The following PLCE1 variants were observed in gnomAD, a reference collection of about 807,000 sequenced individuals.
PLCE1 encodes 1-phosphatidylinositol 4,5-bisphosphate phosphodiesterase epsilon-1.
In PLCE1, 119 loss-of-function variants were observed where a neutral mutation model predicts 242.8. The observed-to-expected ratio is 0.49, with a 90% CI of 0.42 to 0.57. The LOEUF is 0.57. PLCE1 is among the 20% of genes least tolerant of loss of function. PLCE1 has a pLI of 0.00. For synonymous variants in PLCE1, 945 were observed against 1,017.4 expected, an observed-to-expected ratio of 0.93 and a Z score of 1.35; for missense variants, 2,441 against 2,788.8, an observed-to-expected ratio of 0.88 and a Z score of 2.81.
At chr10:94,036,919 G>A (rs2061675047) in intron 2 of PLCE1, among the ~76,000 whole-genome samples, 1 of 151,934 alleles carries the variant, frequency 6.6e-6, no homozygotes. Context: ...TCCCTTCTTT[G>A]TTCCACAAGA....
intron 16 of PLCE1, 51 bp downstream of exon 16, chr10:94,266,009 T>A: frequency 1.3e-6 from 2 of 1,579,430 alleles, no homozygotes; most frequent in Non-Finnish European, 8.7e-7. Context: ...TAATTATTTA[T>A]GTAACCCCCA....
chr10:94,132,203 A>C lies in PLCE1; in HGVS notation c.1236A>C (p.Thr412=), dbSNP rs1044558722. 6.2e-7 allele frequency: 1 copy of C among 1,614,176 alleles called. No individual in the cohort carries two copies. Among genetic ancestry groups the C allele is most frequent in the Non-Finnish European group, 8.5e-7 (1 of 1,179,988 alleles). The change falls in exon 3 of 33, where the codon ACA becomes ACC. Residue 412 remains threonine (T), a synonymous_variant. Transcript: ENST00000371380. ...ACAATGCAGTGAGAAGAGAAGAAAC[A>C]GAAAATACAGTTGGATCTCTACTCC... The part of the protein sequence containing the change: ...PIYNAVRREE[T]ENTVGSLLHF...
At chr10:94,017,743 GA>G (rs1461520352) in intron 1 of PLCE1, among the ~76,000 whole-genome samples, 2 of 152,188 alleles carry the variant, frequency 1.3e-5, no homozygotes, top group Non-Finnish European at 2.9e-5. Context: ...CTTTGTGGGG[GA>G]ATCTCTATGA....
At chr10:94,179,530 T>TTTTTTTTTTTTTTTTTTTTTGA (rs10636243) in intron 4 of PLCE1, among the ~76,000 whole-genome samples, 5 of 118,826 alleles carry the variant, frequency 4.2e-5, no homozygotes, top group African/African-American at 9.7e-5. Flanking sequence ...TTTTTTTTTT[T>TTTTTTTTTTTTTTTTTTTTTGA]GACAGGGTCT....
chr10:94,045,297 A>AAT lies in PLCE1; in HGVS notation c.1206+13058_1206+13059dup, dbSNP rs201645166. Among the ~76,000 whole-genome samples the AAT allele has an allele frequency of 5.3e-5, 8 of 151,808 alleles. No homozygotes were observed. In the South Asian group the frequency reaches 6.2e-4, roughly 12 times the overall value. ...GTGCCACCACACCTGGCTAATCAAA[A>AAT]ATATATATATATATTTTTTGTAGAG... On this transcript the variant is annotated intron_variant, in intron 2 of 32. Transcript: ENST00000371380.
Position 94,245,981 on chromosome 10 carries a change from A to G in PLCE1, c.2456A>G (p.Asp819Gly). Residue 819 changes from aspartate to glycine, a missense_variant, in exon 8 of 33, where the codon GAC (aspartate) becomes GGC (glycine). Asp to Gly is a moderately conservative substitution (Grantham distance 94). Around this residue, in one of 5 missense-constraint regions of PLCE1, gnomAD observed 733 missense variants for 754.2 expected, o/e 0.97. Transcript: ENST00000371380. ...IIGDLLDSDN[D>G]IFEQSKEYDS... ...GGAGATTTGTTGGATTCAGACAATG[A>G]CATCTTTGAGCAATCCAAAGAATAC... 6.2e-7 allele frequency: 1 copy of G among 1,614,052 alleles called. No homozygotes were observed. The highest frequency in any genetic ancestry group is 8.5e-7 in the Non-Finnish European group (1 of 1,179,920).
chr10:94,208,760 C>T (rs1465866222), intron 4 of PLCE1, among the ~76,000 whole-genome samples: 1 of 152,222 alleles, frequency 6.6e-6, no homozygotes, highest in Non-Finnish European at 1.5e-5. Flanking sequence ...TGAAGAAACT[C>T]TCCCAGCTGG....
At chr10:94,238,689 A>T (rs1253073751) in intron 7 of PLCE1, among the ~76,000 whole-genome samples, 1 of 152,224 alleles carries the variant, frequency 6.6e-6, no homozygotes, top group East Asian at 1.9e-4. Flanking sequence ...AGAGGCATGG[A>T]GACCTAAGAG....
chr10:94,291,802 G>A lies in PLCE1; in HGVS notation c.5036-1706G>A, dbSNP rs1478052852. 2.6e-5 allele frequency among the ~76,000 whole-genome samples: 4 copies of A among 152,100 alleles called. No homozygotes were observed. The East Asian group carries it at 7.7e-4, about 29-fold the overall frequency. On this transcript the variant is annotated intron_variant, in intron 22 of 32. Transcript: ENST00000371380. ...CAGCTTTCTGGAAATGTTGTTATCG[G>A]TAAGTGAGCCAACGGGGTAGATGAA...
chr10:94,118,144 T>A (rs1329898764), intron 2 of PLCE1, among the ~76,000 whole-genome samples: 1 of 152,230 alleles, frequency 6.6e-6, no homozygotes, highest in East Asian at 1.9e-4. Flanking sequence ...ACAATTTTTT[T>A]AAACTTAAGT....
intron 4 of PLCE1, among the ~76,000 whole-genome samples, chr10:94,186,823 T>C (rs1187809691): frequency 6.6e-6 from 1 of 152,246 alleles, no homozygotes; most frequent in African/African-American, 2.4e-5. Context: ...GACAATTAGC[T>C]ACTTGAGGAC....
chr10:94,308,783 G>T, intron 27 of PLCE1, 84 bp downstream of exon 27: 1 of 866,526 alleles, frequency 1.2e-6, no homozygotes. Flanking sequence ...CAAAGTGGTC[G>T]GTGTGAGTTA....
At chr10:94,148,126 A>G (rs138453343) in intron 3 of PLCE1, among the ~76,000 whole-genome samples, 211 of 152,334 alleles carry the variant, frequency 1.4e-3, no homozygotes, top group African/African-American at 4.8e-3. Flanking sequence ...GTAAAATAGG[A>G]CAATGCAGAC....
chr10:94,109,489 T>A (rs1405217060), intron 2 of PLCE1, among the ~76,000 whole-genome samples: 1 of 152,190 alleles, frequency 6.6e-6, no homozygotes, highest in Non-Finnish European at 1.5e-5. Context: ...GTTCCTATAG[T>A]TCCAGCTACT....
intron 2 of PLCE1, among the ~76,000 whole-genome samples, chr10:94,127,067 A>G (rs536223593): frequency 6.6e-4 from 101 of 152,328 alleles, no homozygotes; most frequent in African/African-American, 2.4e-3. Context: ...TTACTTTCCC[A>G]TCTACAAAAT....
chr10:94,044,582 T>C (rs2061840885), intron 2 of PLCE1, among the ~76,000 whole-genome samples: 3 of 152,240 alleles, frequency 2.0e-5, no homozygotes, highest in Admixed American at 2.0e-4. Context: ...CTCTTCAGTG[T>C]TGATGGACAG....
chr10:94,111,060 T>G (rs919014135), intron 2 of PLCE1, among the ~76,000 whole-genome samples: 1 of 152,224 alleles, frequency 6.6e-6, no homozygotes, highest in Non-Finnish European at 1.5e-5. Flanking sequence ...TCTAGAATCA[T>G]GCACTGATAC....
chr10:94,073,874 A>T (rs1443371209), intron 2 of PLCE1, among the ~76,000 whole-genome samples: 1 of 152,194 alleles, frequency 6.6e-6, no homozygotes, highest in Non-Finnish European at 1.5e-5. Context: ...TCCTGGACTG[A>T]CAAAAATTAG....
At chr10:94,109,020 T>A (rs977882731) in intron 2 of PLCE1, 1 of 152,230 alleles carries the variant, frequency 6.6e-6, no homozygotes, top group African/African-American at 2.4e-5. Flanking sequence ...TGCTAGTTGA[T>A]ATAGACAAGC....
Sources: gnomAD v4.1 joint callset for allele counts (sites outside exome capture counted in the v4.1 genomes callset) on GRCh38, gnomAD v4.1.1 for gene constraint, gnomAD v4.1.1 regional missense constraint, MANE v1.5 for transcripts, NCBI Gene and HGNC (gene_info 2026-07-23, HGNC 2026-07-21) for gene names.